The following TASP1 variants were observed in gnomAD, a reference collection of about 807,000 sequenced individuals.
TASP1 encodes the protein taspase 1.
Under a neutral mutation model 56.6 loss-of-function variants are expected in TASP1, and 16 were observed. The observed-to-expected ratio is 0.28, with a 90% CI of 0.19 to 0.43. TASP1 has a LOEUF of 0.43. Among genes scored for constraint, TASP1 ranks in the 20% least tolerant of loss-of-function variants. TASP1 has a pLI of 1.00. For synonymous variants in TASP1, 179 were observed against 184.2 expected (o/e 0.97, Z 0.23); for missense variants, 393 against 511.6 (o/e 0.77, Z 2.24).
the TASP1 span, among the ~76,000 whole-genome samples, chr20:13,124,402 C>T: frequency 6.7e-6 from 1 of 149,896 alleles, no homozygotes; most frequent in Non-Finnish European, 1.5e-5. Flanking sequence ...CTTTGAAATA[C>T]AGAGAAGAAA....
At chr20:13,110,895 G>A in the TASP1 span, among the ~76,000 whole-genome samples, 2 of 152,052 alleles carry the variant, frequency 1.3e-5, no homozygotes, top group East Asian at 1.9e-4. Flanking sequence ...TAAAAGGAAG[G>A]AAGTGAAGGC....
intron 13 of TASP1, among the ~76,000 whole-genome samples, chr20:13,404,589 A>T (rs2041850534): frequency 6.6e-6 from 1 of 152,204 alleles, no homozygotes; most frequent in South Asian, 2.1e-4. Flanking sequence ...TGGGTGATAC[A>T]GTGAGATCCT....
chr20:13,381,157 C>A, the TASP1 span, among the ~76,000 whole-genome samples: 2 of 152,202 alleles, frequency 1.3e-5, no homozygotes, highest in Admixed American at 1.3e-4. Flanking sequence ...TCGGTGTCTG[C>A]CCAAACAGCC....
At chr20:13,528,260 G>C (rs868248335) in intron 10 of TASP1, among the ~76,000 whole-genome samples, 173 bp downstream of exon 10, 2 of 137,074 alleles carry the variant, frequency 1.5e-5, no homozygotes, top group Non-Finnish European at 3.2e-5. Flanking sequence ...TGTTAGCAAA[G>C]TATTTACACT....
rs373796112 is a variant in TASP1, at chr20:13,469,746, C to T, written c.985+13481G>A. ...GTGTTAACTCAATATAACATACAGA[C>T]GAACTATTTATTTTCAAATGACAGT... On this transcript the variant is annotated intron_variant, in intron 11 of 13. Transcript: ENST00000337743. Among the ~76,000 whole-genome samples, 108 of 141,586 alleles carry T rather than the reference C, an allele frequency of 7.6e-4. No individual in the cohort carries two copies. In the South Asian group the frequency reaches 0.015, roughly 19 times the overall value. 92.9% of individuals were successfully genotyped at this position (141,586 alleles called of 152,430 possible). A position where few individuals can be genotyped will look rare whatever the true frequency, so the allele number is the denominator to read the frequency against.
At chr20:13,345,349 G>A in the TASP1 span, among the ~76,000 whole-genome samples, 229 of 152,290 alleles carry the variant, frequency 1.5e-3, no homozygotes, top group African/African-American at 5.2e-3. Flanking sequence ...TTTGGGTGCT[G>A]GAGTTCACCA....
chr20:13,583,499 T>A (rs1398221828), intron 5 of TASP1, among the ~76,000 whole-genome samples: 2 of 152,282 alleles, frequency 1.3e-5, no homozygotes, highest in Non-Finnish European at 2.9e-5. Flanking sequence ...CACTGCTTAA[T>A]AACTCTTTAT....
chr20:13,280,121 A>G, the TASP1 span, among the ~76,000 whole-genome samples: 1 of 152,098 alleles, frequency 6.6e-6, no homozygotes, highest in African/African-American at 2.4e-5. Context: ...CACTATACCA[A>G]TTATCCGAAG....
intron 4 of TASP1, among the ~76,000 whole-genome samples, chr20:13,590,850 A>G (rs750633700): frequency 6.6e-6 from 1 of 152,110 alleles, no homozygotes; most frequent in Non-Finnish European, 1.5e-5. Flanking sequence ...TGGGTGACAG[A>G]GCAACACACT....
At chr20:13,191,893 A>C in the TASP1 span, among the ~76,000 whole-genome samples, 1 of 152,144 alleles carries the variant, frequency 6.6e-6, no homozygotes, top group South Asian at 2.1e-4. Context: ...TAAAATTGTT[A>C]ATTATATTTC....
intron 13 of TASP1, among the ~76,000 whole-genome samples, chr20:13,401,982 C>T (rs546161951): frequency 4.8e-4 from 73 of 152,270 alleles, no homozygotes; most frequent in African/African-American, 1.7e-3. Flanking sequence ...GTTTTCATTA[C>T]TTTTCATGTT....
At chr20:13,393,049 G>C in intron 13 of TASP1, 1 of 591,094 alleles carries the variant, frequency 1.7e-6, no homozygotes, top group Non-Finnish European at 3.1e-6. Context: ...TGCTGCCTCT[G>C]CTGAGGCCCC....
chr20:13,520,044 A>G (rs2044681806), intron 10 of TASP1, among the ~76,000 whole-genome samples: 2 of 152,328 alleles, frequency 1.3e-5, no homozygotes, highest in African/African-American at 4.8e-5. Flanking sequence ...AGAATAAAAT[A>G]GCTAGGAATC....
the TASP1 span, among the ~76,000 whole-genome samples, chr20:13,343,158 T>C: frequency 0.011 from 1,631 of 151,882 alleles, 26 homozygotes; most frequent in African/African-American, 0.038. Context: ...CCTGGGTGAG[T>C]GGGCAAAATG....
At position 13,541,207 on chromosome 20, in the gene TASP1, A is replaced by G. The variant is rs945584255; in HGVS notation, c.676-7066T>C. 6.6e-5 allele frequency among the ~76,000 whole-genome samples: 10 copies of G among 152,182 alleles called. No individual in the cohort carries two copies. In the East Asian group the frequency reaches 1.9e-3, roughly 29 times the overall value. ...CTCCAGGAAGCCAGAGAAAAAGGGA[A>G]AAAGCCAGATAGAAAAGAGATGTCA... On this transcript the variant is annotated intron_variant, in intron 8 of 13. Transcript: ENST00000337743.
intron 8 of TASP1, among the ~76,000 whole-genome samples, chr20:13,540,891 A>C (rs1294927048): frequency 2.0e-5 from 3 of 151,206 alleles, no homozygotes; most frequent in South Asian, 4.2e-4. Flanking sequence ...AGGCAAAAAA[A>C]AATCAATAGC....
chr20:13,218,867 T>C, the TASP1 span, among the ~76,000 whole-genome samples: 1 of 152,232 alleles, frequency 6.6e-6, no homozygotes, highest in East Asian at 1.9e-4. Flanking sequence ...GGGATTTTAA[T>C]AGGATTCATT....
At chr20:13,473,989 G>A (rs7274078) in intron 11 of TASP1, among the ~76,000 whole-genome samples, 8,944 of 152,088 alleles carry the variant, frequency 0.059, 368 homozygotes, top group African/African-American at 0.12. Flanking sequence ...CGCAAGGACC[G>A]CTAGAGCCCA....
In TASP1 at chr20:13,578,827, A is replaced by C. The variant is rs906726389; in HGVS notation, c.488+2070T>G. The stretch of plus-strand genomic sequence containing the variant: ...GATCTTTTTATCCATATCTACATCA[A>C]CCTGTGTTAATTACTATAGTATTAT... On this transcript the variant is annotated intron_variant, in intron 6 of 13. Coordinates refer to ENST00000337743, the MANE Select transcript of TASP1 (RefSeq NM_017714.3). 2.0e-5 allele frequency among the ~76,000 whole-genome samples: 3 copies of C among 152,222 alleles called. No homozygotes were observed. In the South Asian group the frequency reaches 6.2e-4, roughly 32 times the overall value.
Sources: allele counts gnomAD v4.1 joint callset (sites outside exome capture counted in the v4.1 genomes callset), GRCh38; gene constraint gnomAD v4.1.1; transcripts MANE v1.5; gene names NCBI Gene and HGNC (gene_info 2026-07-23, HGNC 2026-07-21).